Variants in SEMA4G observed in about 807,000 individuals in gnomAD.
The protein encoded by SEMA4G is semaphorin-4G.
A neutral mutation model predicts 81.2 loss-of-function variants in SEMA4G; 59 were observed. The observed-to-expected ratio is 0.73, with a 90% CI of 0.59 to 0.90. The LOEUF is 0.90. Ranked by LOEUF, SEMA4G falls within the 40% of genes least tolerant of loss-of-function variation. The pLI is 0.00. For missense variants in SEMA4G, 952 were observed against 1,102.3 expected (o/e 0.86, Z 1.93); for synonymous variants, 404 against 433.9 (o/e 0.93, Z 0.86).
exon 1 of SEMA4G, chr10:100,972,876 C>T (rs867629405): frequency 1.3e-6 from 2 of 1,583,884 alleles, no homozygotes; most frequent in African/African-American, 2.7e-5. Flanking sequence ...CTCTGGCTCC[C>T]TTTGGGGGTC....
chr10:100,977,129 G>C (rs1255995860), intron 3 of SEMA4G, among the ~76,000 whole-genome samples: 1 of 152,180 alleles, frequency 6.6e-6, no homozygotes, highest in East Asian at 1.9e-4. Context: ...ACAGGTTTAG[G>C]AAAGATGTAG....
intron 3 of SEMA4G, among the ~76,000 whole-genome samples, chr10:100,975,798 G>C (rs1405870838): frequency 1.3e-5 from 2 of 152,190 alleles, no homozygotes; most frequent in East Asian, 3.8e-4. Flanking sequence ...TACTCGGGAG[G>C]CTGAGGCAGG....
rs2133878729 is a variant in SEMA4G, at chr10:100,979,286, A to C, written c.983+15A>C. 6.2e-7 allele frequency: 1 copy of C among 1,614,192 alleles called. No individual in the cohort carries two copies. The highest frequency in any genetic ancestry group is 8.5e-7 in the Non-Finnish European group (1 of 1,180,038). ...AGCACACAGTGGTCAGTGCAGGGAC[A>C]ATCGGGAGGCAAGAAACTGCGGACA... On this transcript the variant is annotated intron_variant, in intron 8 of 13. Coordinates refer to ENST00000370250, the Ensembl canonical transcript of SEMA4G.
intron 5 of SEMA4G, 27 bp downstream of exon 6, chr10:100,978,415 G>C (rs1850894616): frequency 6.2e-7 from 1 of 1,609,002 alleles, no homozygotes; most frequent in Non-Finnish European, 8.5e-7. Context: ...CCCTATCACA[G>C]ACATGGTATT....
chr10:100,983,677 G>A (rs1380369416), exon 14 of SEMA4G: 1 of 1,613,218 alleles, frequency 6.2e-7, no homozygotes, highest in Non-Finnish European at 8.5e-7. Flanking sequence ...GGTGGCCTCT[G>A]CCTCATCCTG....
chr10:100,979,992 G>A (rs768865327), exon 9 of SEMA4G: 17 of 1,613,916 alleles, frequency 1.1e-5, no homozygotes, highest in Admixed American at 3.3e-5. Context: ...GGCCTGGCTC[G>A]GTGAGTGCCC....
upstream of SEMA4G, among the ~76,000 whole-genome samples, chr10:100,970,078 A>C (rs1850586870): frequency 6.6e-6 from 1 of 152,134 alleles, no homozygotes. Context: ...TCTGGGATGA[A>C]GGTCGAGAGC....
upstream of SEMA4G, among the ~76,000 whole-genome samples, chr10:100,972,064 T>A (rs989379308): frequency 6.6e-6 from 1 of 151,270 alleles, no homozygotes; most frequent in Non-Finnish European, 1.5e-5. Flanking sequence ...CAGAGGGAGC[T>A]CTCAGGCCAG....
chr10:100,981,141 T>A, intron 12 of SEMA4G, 27 bp from the exon 14 acceptor site: 1 of 1,613,956 alleles, frequency 6.2e-7, no homozygotes, highest in Non-Finnish European at 8.5e-7. Context: ...GTTCCCCTTG[T>A]TCATAAAACC....
At chr10:100,970,122 C>T (rs1181782541), upstream of SEMA4G, among the ~76,000 whole-genome samples, 1 of 152,110 alleles carries the variant, frequency 6.6e-6, no homozygotes, top group Admixed American at 6.5e-5. Context: ...TTTGAAGGGT[C>T]TCTCCTCCCC....
chr10:100,981,661 T>A, intron 13 of SEMA4G: 1 of 1,266,790 alleles, frequency 7.9e-7, no homozygotes, highest in Non-Finnish European at 1.1e-6. Flanking sequence ...AGCATTCTTA[T>A]GAGAAAGGTG....
intron 4 of SEMA4G, 188 bp from the exon 6 acceptor site, chr10:100,978,107 A>T (rs932663557): frequency 8.4e-6 from 5 of 593,880 alleles, no homozygotes; most frequent in Admixed American, 6.0e-5. Flanking sequence ...TTGGAACTCC[A>T]AACATACATT....
chr10:100,980,404 A>G, intron 10 of SEMA4G, 60 bp downstream of exon 11: 1 of 1,520,842 alleles, frequency 6.6e-7, no homozygotes, highest in Admixed American at 1.7e-5. Context: ...TTCTGAATCC[A>G]TTAATTCCTG....
In SEMA4G at chr10:100,973,191, G is replaced by A. The variant is rs199970914; in HGVS notation, c.187G>A (p.Glu63Lys). ...GAACTACTCAACACTGCTGCTGGAG[G>A]AGGCCTCAGCAAGGCTGCTGGTGGG... Residue 63 changes from glutamate (E) to lysine (K), a missense_variant, in exon 2 of 14, where the codon GAG (glutamate) becomes AAG (lysine). Physicochemically the swap from Glu to Lys is moderately conservative, Grantham distance 56. Coordinates refer to ENST00000370250, the Ensembl canonical transcript of SEMA4G. The surrounding 1 kb of genome is among the most constrained non-coding windows in gnomAD (Gnocchi z 5.5). 2 of 1,613,808 alleles carry A rather than the reference G, an allele frequency of 1.2e-6. No individual in the cohort carries two copies. The highest frequency in any genetic ancestry group is 2.2e-5 in the East Asian group (1 of 44,866).
intron 10 of SEMA4G, 97 bp from the exon 12 acceptor site, chr10:100,980,481 A>G (rs939979849): frequency 3.0e-6 from 4 of 1,344,644 alleles, no homozygotes; most frequent in Non-Finnish European, 4.3e-6. Flanking sequence ...CTTGTTCTGG[A>G]CCTCAGGACT....
intron 13 of SEMA4G, chr10:100,981,496 A>T (rs759461310): frequency 5.6e-6 from 9 of 1,614,222 alleles, no homozygotes; most frequent in Non-Finnish European, 6.8e-6. Context: ...AGGGTTCAGG[A>T]CGGTAATGGG....
intron 13 of SEMA4G, among the ~76,000 whole-genome samples, chr10:100,982,958 G>T (rs1190647246): frequency 6.6e-6 from 1 of 152,206 alleles, no homozygotes; most frequent in Non-Finnish European, 1.5e-5. Context: ...GTGTCCAAGA[G>T]ACCTCATGTG....
At chr10:100,972,933 C>T (rs1167174298) in exon 1 of SEMA4G, 3 of 1,612,154 alleles carry the variant, frequency 1.9e-6, no homozygotes, top group East Asian at 2.2e-5. Context: ...GGCTCTGGCC[C>T]CTCCTCCTCA....
chr10:100,985,014 G>A (rs776736066), downstream of SEMA4G: 52 of 1,146,992 alleles, frequency 4.5e-5, no homozygotes, highest in Non-Finnish European at 6.1e-5. Flanking sequence ...TCTTGGACCT[G>A]TCTGTTGGGT....
Sources: gnomAD v4.1 joint callset for allele counts (sites outside exome capture counted in the v4.1 genomes callset) on GRCh38, gnomAD v4.1.1 for gene constraint, Gnocchi (gnomAD v3.1) non-coding constraint, MANE v1.5 for transcripts, NCBI Gene and HGNC (gene_info 2026-07-23, HGNC 2026-07-21) for gene names.